Variants in TRIM14 observed in about 807,000 individuals in gnomAD.
TRIM14 encodes the protein tripartite motif-containing protein 14.
A neutral mutation model predicts 44.5 loss-of-function variants in TRIM14; 28 were observed. That is an observed-to-expected ratio of 0.63 (90% confidence interval 0.47 to 0.86). TRIM14 has a LOEUF of 0.86. Ranked by LOEUF, TRIM14 falls within the 40% of genes least tolerant of loss-of-function variation. The pLI, the probability that TRIM14 is intolerant of heterozygous loss-of-function variation, is 0.00. For synonymous variants in TRIM14, 299 were observed against 269.2 expected (o/e 1.11, Z -1.08); for missense variants, 607 against 611.1 (o/e 0.99, Z 0.07).
chr9:98,036,274 G>A, the TRIM14 span, among the ~76,000 whole-genome samples: 1 of 151,378 alleles, frequency 6.6e-6, no homozygotes. Flanking sequence ...GCCGAGGCAG[G>A]CAGATCACCT....
chr9:98,080,991 C>A (rs764612122), downstream of TRIM14: 2 of 1,614,162 alleles, frequency 1.2e-6, no homozygotes. Flanking sequence ...GGAGAACTGG[C>A]CGAGCTGGTG....
chr9:98,046,529 C>T, the TRIM14 span, among the ~76,000 whole-genome samples: 4 of 151,882 alleles, frequency 2.6e-5, no homozygotes, highest in Non-Finnish European at 5.9e-5. Context: ...GCAACCTCCG[C>T]CTCCCGGGTT....
At chr9:98,052,506 AT>A in the TRIM14 span, among the ~76,000 whole-genome samples, 1 of 152,016 alleles carries the variant, frequency 6.6e-6, no homozygotes, top group African/African-American at 2.4e-5. Context: ...AAACTGTTAA[AT>A]TTTTGTTTTG....
intron 1 of TRIM14, among the ~76,000 whole-genome samples, chr9:98,112,672 GC>G (rs759694933): frequency 4.0e-5 from 6 of 150,980 alleles, no homozygotes; most frequent in Non-Finnish European, 7.4e-5. Context: ...GGTGGTGCAC[GC>G]CTGTAATCAC....
chr9:98,088,049 G>C (rs777552267), intron 5 of TRIM14, 44 bp from the exon 6 acceptor site: 15 of 1,411,574 alleles, frequency 1.1e-5, no homozygotes, highest in African/African-American at 3.0e-5. Flanking sequence ...GGCGGGGCCA[G>C]CGCGGCGCCC....
chr9:98,051,021 G>T, the TRIM14 span, among the ~76,000 whole-genome samples: 3 of 152,108 alleles, frequency 2.0e-5, no homozygotes, highest in Non-Finnish European at 2.9e-5. Flanking sequence ...TGATCCACCT[G>T]CCTTGGCCTC....
rs1443879345 is a variant in TRIM14, at chr9:98,084,441, A to G, written c.*3029T>C. On this transcript the variant is annotated 3_prime_UTR_variant, in exon 6 of 6. Coordinates refer to ENST00000341469, the MANE Select transcript of TRIM14 (RefSeq NM_014788.4). ...TATCTGCAAGCAATTTGCCATATCAATAAAGAAATGTCTACAGATTCAAGT... is the reference window on the plus strand; with the variant it reads ...TATCTGCAAGCAATTTGCCATATCAGTAAAGAAATGTCTACAGATTCAAGT... 2 of 152,206 alleles carry G rather than the reference A, an allele frequency of 1.3e-5. No homozygotes were observed. Among genetic ancestry groups the G allele is most frequent in the Admixed American group, 6.5e-5 (1 of 15,280 alleles). The allele number at this position is 152,206 out of a possible 1,614,324, so 9.4% of individuals were successfully genotyped here.
At chr9:98,108,081 C>CT (rs34246943) in intron 2 of TRIM14, among the ~76,000 whole-genome samples, 20,987 of 133,504 alleles carry the variant, frequency 0.16, 1,866 homozygotes, top group Middle Eastern at 0.22. Flanking sequence ...ACATACCATC[C>CT]TTTTTTTTTT....
the TRIM14 span, among the ~76,000 whole-genome samples, chr9:98,046,155 A>C: frequency 6.6e-6 from 1 of 152,128 alleles, no homozygotes; most frequent in African/African-American, 2.4e-5. Context: ...AGGAAAAAAA[A>C]TCATTGGCTA....
the TRIM14 span, among the ~76,000 whole-genome samples, chr9:98,041,261 G>T: frequency 4.0e-5 from 6 of 148,432 alleles, no homozygotes; most frequent in African/African-American, 1.5e-4. Flanking sequence ...CAAATTGCAG[G>T]AAAAAAAAAA....
chr9:98,055,050 G>T, the TRIM14 span, among the ~76,000 whole-genome samples: 1 of 152,058 alleles, frequency 6.6e-6, no homozygotes, highest in Non-Finnish European at 1.5e-5. Context: ...ATGGAGTTTC[G>T]CTCTTGTTGC....
At position 98,087,871 on chromosome 9, in the gene TRIM14, G is replaced by A; in HGVS notation, c.928C>T (p.Gln310Ter). Residue 310 changes from glutamine to a stop codon, truncating the protein, a stop_gained, in exon 6 of 6, where the codon CAA (glutamine) becomes TAA (stop). Transcript: ENST00000341469. LOFTEE classifies it high-confidence loss of function. Reference sequence around the variant, plus strand: ...GCGAAGCAGTCACGAGCCAGCACTTGCCAGAGCGCGTCGAACCGCAGCACG... The same window carrying A: ...GCGAAGCAGTCACGAGCCAGCACTTACCAGAGCGCGTCGAACCGCAGCACG... The part of the protein sequence containing the change: ...VPVLRFDALW[Q>*]VLARDCFATG... The A allele has an allele frequency of 6.4e-7, 1 of 1,567,384 alleles. No individual in the cohort carries two copies. The highest frequency in any genetic ancestry group is 8.6e-7 in the Non-Finnish European group (1 of 1,167,002).
At chr9:98,103,447 A>G (rs1439790290) in intron 2 of TRIM14, among the ~76,000 whole-genome samples, 1 of 152,176 alleles carries the variant, frequency 6.6e-6, no homozygotes, top group African/African-American at 2.4e-5. Context: ...GGTAAGGGAA[A>G]AGAGAGGCTC....
intron 1 of TRIM14, among the ~76,000 whole-genome samples, chr9:98,115,308 G>A (rs1827009962): frequency 6.6e-6 from 1 of 152,060 alleles, no homozygotes; most frequent in South Asian, 2.1e-4. Flanking sequence ...GGAGTGCAGT[G>A]GCACAATCTT....
chr9:98,112,092 T>A (rs1393944417), intron 1 of TRIM14, among the ~76,000 whole-genome samples: 1 of 152,224 alleles, frequency 6.6e-6, no homozygotes, highest in Admixed American at 6.5e-5. Context: ...AGGAGCCATC[T>A]TTCTAGAAAT....
chr9:98,037,299 AC>A, the TRIM14 span, among the ~76,000 whole-genome samples: 1 of 152,094 alleles, frequency 6.6e-6, no homozygotes, highest in South Asian at 2.1e-4. Flanking sequence ...AATTGATCAA[AC>A]CCAGGAGGTG....
the TRIM14 span, among the ~76,000 whole-genome samples, chr9:98,045,129 G>C: frequency 7.9e-5 from 12 of 151,858 alleles, no homozygotes; most frequent in Non-Finnish European, 1.3e-4. Flanking sequence ...TAAAAATAAA[G>C]AATGCACCTC....
intron 2 of TRIM14, among the ~76,000 whole-genome samples, chr9:98,103,959 G>T (rs1289233407): frequency 6.6e-6 from 1 of 152,172 alleles, no homozygotes; most frequent in Non-Finnish European, 1.5e-5. Context: ...GCAGGCTCCC[G>T]TGATACCGTG....
chr9:98,096,448 G>C (rs1387182254), intron 3 of TRIM14, among the ~76,000 whole-genome samples: 1 of 152,132 alleles, frequency 6.6e-6, no homozygotes, highest in Non-Finnish European at 1.5e-5. Flanking sequence ...ATGAGGGGTC[G>C]ATAGAGGACA....
Sources: allele counts gnomAD v4.1 joint callset (sites outside exome capture counted in the v4.1 genomes callset), GRCh38; gene constraint gnomAD v4.1.1; transcripts MANE v1.5; gene names NCBI Gene and HGNC (gene_info 2026-07-23, HGNC 2026-07-21).